The following CCDC3 variants were observed in gnomAD, a reference collection of about 807,000 sequenced individuals.
The protein encoded by CCDC3 is coiled-coil domain containing 3.
Under a neutral mutation model 21.4 loss-of-function variants are expected in CCDC3, and 24 were observed. That is an observed-to-expected ratio of 1.12 (90% confidence interval 0.81 to 1.58). CCDC3 has a LOEUF of 1.58. CCDC3 is among the 40% of genes most tolerant of loss of function. CCDC3 has a pLI of 0.00. For synonymous variants in CCDC3, 186 were observed against 166.0 expected, an observed-to-expected ratio of 1.12 and a Z score of -0.93; for missense variants, 425 against 360.9, an observed-to-expected ratio of 1.18 and a Z score of -1.44.
intron 2 of CCDC3, among the ~76,000 whole-genome samples, chr10:12,938,338 T>C (rs1409343115): frequency 7.0e-6 from 1 of 143,390 alleles, no homozygotes; most frequent in Non-Finnish European, 1.6e-5. Flanking sequence ...CTTGTCATTG[T>C]AGCAATGACA....
chr10:13,051,463 C>T lies in CCDC3; in HGVS notation c.-269-1522G>A, dbSNP rs904036509. 4.6e-5 allele frequency among the ~76,000 whole-genome samples: 7 copies of T among 152,338 alleles called. No homozygotes were observed. The East Asian group carries it at 1.2e-3, about 25-fold the overall frequency. ...GTTTCATTTCTAAAGTGTCATTCAC[C>T]TTAAAGTCACCGTGCACACTGAAGA... On this transcript the variant is annotated intron_variant, in intron 4 of 6. Transcript: ENST00000378839.
chr10:13,020,351 T>C (rs1347130462), intron 5 of CCDC3, among the ~76,000 whole-genome samples: 1 of 152,238 alleles, frequency 6.6e-6, no homozygotes, highest in Non-Finnish European at 1.5e-5. Flanking sequence ...CTTTTTGCTG[T>C]CATGAACAGT....
chr10:12,920,684 C>A (rs866453991), intron 2 of CCDC3, among the ~76,000 whole-genome samples: 1 of 152,174 alleles, frequency 6.6e-6, no homozygotes, highest in African/African-American at 2.4e-5. Context: ...AAGTTTTGAA[C>A]ACGTATCTTA....
At chr10:12,987,821 T>C (rs1336859169) in intron 2 of CCDC3, among the ~76,000 whole-genome samples, 1 of 152,074 alleles carries the variant, frequency 6.6e-6, no homozygotes, top group Non-Finnish European at 1.5e-5. Flanking sequence ...CAAAGACAAA[T>C]TGGAAGAACA....
intron 2 of CCDC3, among the ~76,000 whole-genome samples, chr10:12,915,234 C>T (rs1258202261): frequency 6.6e-6 from 1 of 152,090 alleles, no homozygotes; most frequent in Non-Finnish European, 1.5e-5. Context: ...AGTAGGATTT[C>T]AGAATTTTTA....
At chr10:13,037,609 C>G (rs1836394360) in intron 5 of CCDC3, among the ~76,000 whole-genome samples, 1 of 152,170 alleles carries the variant, frequency 6.6e-6, no homozygotes, top group Non-Finnish European at 1.5e-5. Context: ...AGAGTTCACC[C>G]CCCTCTGAAT....
chr10:12,946,616 G>C (rs1048952044), intron 2 of CCDC3, among the ~76,000 whole-genome samples: 2 of 152,116 alleles, frequency 1.3e-5, no homozygotes, highest in Non-Finnish European at 2.9e-5. Context: ...ACCTATTCTG[G>C]TTCTGAGTGG....
upstream of CCDC3, among the ~76,000 whole-genome samples, chr10:13,003,986 A>G (rs1835896247): frequency 6.6e-6 from 1 of 152,188 alleles, no homozygotes; most frequent in African/African-American, 2.4e-5. Flanking sequence ...TGATTGAGCC[A>G]TTGCAGTGTA....
intron 3 of CCDC3, among the ~76,000 whole-genome samples, chr10:13,075,457 T>C (rs376361316): frequency 6.8e-6 from 1 of 146,466 alleles, no homozygotes; most frequent in Non-Finnish European, 1.5e-5. Flanking sequence ...GTTTTTTTTT[T>C]CTAGACGTCC....
rs189712357 is a variant in CCDC3, at chr10:12,984,462, G to T, written c.549+13876C>A. Reference sequence around the variant, plus strand: ...ACCCTCATACACTGCTGGTGGGCACGTAAAATGGTGCAGCTGCTTTGGAAA... The same window carrying T: ...ACCCTCATACACTGCTGGTGGGCACTTAAAATGGTGCAGCTGCTTTGGAAA... On this transcript the variant is annotated intron_variant, in intron 2 of 2. Coordinates refer to ENST00000378825, the MANE Select transcript of CCDC3 (RefSeq NM_031455.4). Among the ~76,000 whole-genome samples, 33 of 152,304 alleles carry T rather than the reference G, an allele frequency of 2.2e-4. No homozygotes were observed. In the East Asian group the frequency reaches 6.0e-3, roughly 28 times the overall value.
At chr10:13,039,120 C>G (rs1836416849) in intron 5 of CCDC3, among the ~76,000 whole-genome samples, 1 of 152,158 alleles carries the variant, frequency 6.6e-6, no homozygotes, top group South Asian at 2.1e-4. Context: ...CATCCCTCTT[C>G]TAGCTTTCTT....
At chr10:12,938,620 C>A (rs1834774985) in intron 2 of CCDC3, among the ~76,000 whole-genome samples, 1 of 152,200 alleles carries the variant, frequency 6.6e-6, no homozygotes, top group African/African-American at 2.4e-5. Context: ...AGTCCTATCC[C>A]AGAGAGTTGA....
chr10:12,929,692 C>T (rs1490419030), intron 2 of CCDC3, among the ~76,000 whole-genome samples: 1 of 152,208 alleles, frequency 6.6e-6, no homozygotes, highest in East Asian at 1.9e-4. Context: ...CCAGCAGGTC[C>T]AACAGGCCCC....
At chr10:12,901,130 C>G (rs1834085984) in intron 2 of CCDC3, among the ~76,000 whole-genome samples, 1 of 152,166 alleles carries the variant, frequency 6.6e-6, no homozygotes, top group Admixed American at 6.5e-5. Context: ...TGCTGGGTGT[C>G]CTGGGGTAGG....
At chr10:13,044,121 T>C (rs1836495063) in intron 5 of CCDC3, among the ~76,000 whole-genome samples, 1 of 152,190 alleles carries the variant, frequency 6.6e-6, no homozygotes, top group African/African-American at 2.4e-5. Flanking sequence ...ATGTTGACCA[T>C]TTTTTCATAT....
intron 2 of CCDC3, among the ~76,000 whole-genome samples, chr10:12,940,078 ACT>A (rs1218485937): frequency 6.6e-6 from 1 of 152,128 alleles, no homozygotes; most frequent in African/African-American, 2.4e-5. Flanking sequence ...CTAAAAACAT[ACT>A]GTTTTTTTTC....
At chr10:13,020,300 T>A (rs1005792030) in intron 5 of CCDC3, among the ~76,000 whole-genome samples, 2 of 152,212 alleles carry the variant, frequency 1.3e-5, no homozygotes, top group Non-Finnish European at 2.9e-5. Context: ...CTCATTCCCA[T>A]GAATTCTAAA....
At chr10:12,936,079 A>T (rs1318259290) in intron 2 of CCDC3, among the ~76,000 whole-genome samples, 1 of 152,004 alleles carries the variant, frequency 6.6e-6, no homozygotes, top group Non-Finnish European at 1.5e-5. Context: ...TTTTGTATGT[A>T]GATCCAAGTT....
At chr10:12,914,519 C>T (rs1834320239) in intron 2 of CCDC3, among the ~76,000 whole-genome samples, 1 of 152,094 alleles carries the variant, frequency 6.6e-6, no homozygotes, top group Non-Finnish European at 1.5e-5. Flanking sequence ...GTCCTTGGCT[C>T]ACTGCAACCT....
Sources: allele counts gnomAD v4.1 joint callset (sites outside exome capture counted in the v4.1 genomes callset), GRCh38; gene constraint gnomAD v4.1.1; transcripts MANE v1.5; gene names NCBI Gene and HGNC (gene_info 2026-07-23, HGNC 2026-07-21).